COL14A1: variants seen among roughly 807,000 people sequenced by gnomAD.
COL14A1 encodes the protein collagen type XIV alpha 1 chain.
In COL14A1, 136 loss-of-function variants were observed where a neutral mutation model predicts 230.3. The observed-to-expected ratio is 0.59, with a 90% CI of 0.51 to 0.68. The LOEUF is 0.68. Among genes scored for constraint, COL14A1 ranks in the 30% least tolerant of loss-of-function variants. The probability of loss-of-function intolerance (pLI) is 0.00; values close to 1 mark genes in which losing one functional copy is unlikely to be tolerated. For synonymous variants in COL14A1, 792 were observed against 784.1 expected (o/e 1.01, Z -0.17); for missense variants, 1,976 against 2,215.8 (o/e 0.89, Z 2.17).
At chr8:120,344,049 C>T (rs1822410262) in intron 44 of COL14A1, among the ~76,000 whole-genome samples, 1 of 152,172 alleles carries the variant, frequency 6.6e-6, no homozygotes. Flanking sequence ...CTTACGAATT[C>T]TCAGAGTCTT....
chr8:120,293,518 C>T (rs1771923002), intron 34 of COL14A1, among the ~76,000 whole-genome samples: 1 of 151,732 alleles, frequency 6.6e-6, no homozygotes, highest in Non-Finnish European at 1.5e-5. Context: ...GAAAGAGGTA[C>T]TTGCATCTTC....
chr8:120,201,840 G>A (rs1287390914), intron 8 of COL14A1, among the ~76,000 whole-genome samples: 1 of 152,140 alleles, frequency 6.6e-6, no homozygotes, highest in African/African-American at 2.4e-5. Context: ...CTCCAAAGTC[G>A]TGATGACCAT....
intron 2 of COL14A1, among the ~76,000 whole-genome samples, chr8:120,149,601 A>G (rs1815205489): frequency 6.6e-6 from 1 of 152,182 alleles, no homozygotes; most frequent in South Asian, 2.1e-4. Context: ...TAATTTGTGG[A>G]ATAACTGATC....
chr8:120,139,858 T>C (rs1814840959), intron 1 of COL14A1, among the ~76,000 whole-genome samples: 1 of 151,676 alleles, frequency 6.6e-6, no homozygotes, highest in Non-Finnish European at 1.5e-5. Flanking sequence ...ATCCTGTCTT[T>C]ATAAAAAAAA....
At chr8:120,246,130 A>G (rs946234381) in intron 20 of COL14A1, among the ~76,000 whole-genome samples, 25 of 152,324 alleles carry the variant, frequency 1.6e-4, no homozygotes, top group African/African-American at 5.3e-4. Context: ...TGCGAAAATC[A>G]TTAAAATTCT....
chr8:120,339,989 G>T (rs528883618), intron 42 of COL14A1, among the ~76,000 whole-genome samples: 26 of 146,792 alleles, frequency 1.8e-4, no homozygotes, highest in African/African-American at 6.6e-4. Context: ...AGTGAGCTGA[G>T]ATCGTGCCAC....
intron 1 of COL14A1, among the ~76,000 whole-genome samples, chr8:120,128,706 G>T (rs1235170827): frequency 6.6e-6 from 1 of 152,188 alleles, no homozygotes; most frequent in Admixed American, 6.5e-5. Flanking sequence ...AAAGTTTAGA[G>T]CCTAGACTCC....
intron 40 of COL14A1, among the ~76,000 whole-genome samples, chr8:120,320,326 G>A (rs907882989): frequency 5.9e-5 from 9 of 152,078 alleles, no homozygotes; most frequent in Non-Finnish European, 1.2e-4. Flanking sequence ...TACTTGACAC[G>A]TCGAGATGCC....
intron 8 of COL14A1, 64 bp downstream of exon 8, chr8:120,199,630 T>C (rs1817163351): frequency 6.6e-7 from 1 of 1,510,188 alleles, no homozygotes; most frequent in Admixed American, 2.2e-5. Context: ...TAAAACAATA[T>C]GTAATGTGAA....
chr8:120,320,669 A>T (rs1193351516), intron 40 of COL14A1, among the ~76,000 whole-genome samples: 3 of 152,198 alleles, frequency 2.0e-5, no homozygotes, highest in African/African-American at 7.2e-5. Flanking sequence ...TCTGAAGAGG[A>T]TGTGTAAATA....
chr8:120,206,014 G>A (rs75432021), intron 9 of COL14A1, among the ~76,000 whole-genome samples: 1,707 of 152,080 alleles, frequency 0.011, 33 homozygotes, highest in African/African-American at 0.039. Context: ...ACCTAGTATC[G>A]AGCTCATAGT....
At chr8:120,235,865 T>C (rs1818428255) in intron 19 of COL14A1, among the ~76,000 whole-genome samples, 1 of 152,234 alleles carries the variant, frequency 6.6e-6, no homozygotes, top group Admixed American at 6.5e-5. Context: ...TGCCTTGATT[T>C]TGTTATGTAC....
intron 19 of COL14A1, among the ~76,000 whole-genome samples, chr8:120,237,795 T>C (rs10955963): frequency 0.49 from 75,158 of 151,966 alleles, 19,370 homozygotes; most frequent in African/African-American, 0.63. Flanking sequence ...GGATGGGGTT[T>C]GAGTGGTCGT....
At chr8:120,260,311 A>G (rs377179336) in intron 23 of COL14A1, among the ~76,000 whole-genome samples, 6 of 152,124 alleles carry the variant, frequency 3.9e-5, no homozygotes, top group East Asian at 1.9e-4. Flanking sequence ...CTTTGCTTCA[A>G]TATATGCATA....
intron 40 of COL14A1, among the ~76,000 whole-genome samples, chr8:120,316,412 A>AATATTAAATATTGGT (rs1326311777): frequency 6.6e-6 from 1 of 152,204 alleles, no homozygotes; most frequent in Admixed American, 6.5e-5. Context: ...TTTATTTAAT[A>AATATTAAATATTGGT]TCATTCAATT....
At chr8:120,281,267 A>G (rs1312081766) in intron 31 of COL14A1, among the ~76,000 whole-genome samples, 3 of 152,154 alleles carry the variant, frequency 2.0e-5, no homozygotes, top group Non-Finnish European at 4.4e-5. Flanking sequence ...CTGAGACAAC[A>G]TATAAAAATG....
intron 14 of COL14A1, among the ~76,000 whole-genome samples, chr8:120,224,022 C>CTT (rs1563681445): frequency 1.9e-3 from 93 of 48,594 alleles, no homozygotes; most frequent in African/African-American, 6.9e-3. Flanking sequence ...GCCCTCATCT[C>CTT]CTTTTTTTTT....
intron 44 of COL14A1, among the ~76,000 whole-genome samples, chr8:120,342,715 C>T (rs1822349987): frequency 6.6e-6 from 1 of 152,064 alleles, no homozygotes; most frequent in South Asian, 2.1e-4. Flanking sequence ...ACTTGACTGC[C>T]CAGATCAGAT....
intron 2 of COL14A1, 36 bp downstream of exon 2, chr8:120,147,966 A>G (rs919893407): frequency 7.2e-7 from 1 of 1,388,162 alleles, no homozygotes; most frequent in South Asian, 1.2e-5. Context: ...AGGGTCTGGG[A>G]CTCTAGCTTT....
Sources: allele counts gnomAD v4.1 joint callset (sites outside exome capture counted in the v4.1 genomes callset), GRCh38; gene constraint gnomAD v4.1.1; transcripts MANE v1.5; gene names NCBI Gene and HGNC (gene_info 2026-07-23, HGNC 2026-07-21).